The following POLD1 variants were observed in gnomAD, a reference collection of about 807,000 sequenced individuals.
POLD1 encodes the protein DNA polymerase delta catalytic subunit.
POLD1 carries 79 observed loss-of-function variants against 129.7 expected under a neutral mutation model. The ratio of observed to expected loss-of-function variants is 0.61; its 90% confidence interval spans 0.51 to 0.73. The LOEUF (loss-of-function observed/expected upper bound fraction) is 0.73, where lower values mean the gene tolerates loss of function less well. Ranked by LOEUF, POLD1 falls within the 30% of genes least tolerant of loss-of-function variation. POLD1 has a pLI of 0.00. For missense variants in POLD1, 1,338 were observed against 1,595.8 expected, an observed-to-expected ratio of 0.84 and a Z score of 2.75; for synonymous variants, 714 against 683.3, an observed-to-expected ratio of 1.04 and a Z score of -0.70.
At chr19:50,401,494 G>C (rs185992073) in intron 3 of POLD1, among the ~76,000 whole-genome samples, 70 of 147,862 alleles carry the variant, frequency 4.7e-4, no homozygotes, top group Middle Eastern at 7.4e-3. Context: ...TCCCGCCTTG[G>C]CCTCACAAAG....
rs3219396 is a variant in POLD1 at position 50,406,939 on chromosome 19, A to G, written c.1495-44A>G. 21,419 of 694,206 alleles carry G rather than the reference A, an allele frequency of 0.031. 295 individuals carry two copies. The highest frequency in any genetic ancestry group is 0.061 in the African/African-American group (2,283 of 37,506). The allele number at this position is 694,206 out of a possible 1,614,324, so 43.0% of individuals were successfully genotyped here. ...ACTTCCTTCTCCTGCTCCACCTCCCACCCCCAACCCCTGGTCCCTGACCCC... is the reference window on the plus strand; with the variant it reads ...ACTTCCTTCTCCTGCTCCACCTCCCGCCCCCAACCCCTGGTCCCTGACCCC... On this transcript the variant is annotated intron_variant, in intron 12 of 26. Coordinates refer to ENST00000440232, the MANE Select transcript of POLD1 (RefSeq NM_002691.4). This position sits in a 1 kb window ranked among gnomAD's most constrained non-coding sequence, Gnocchi z 5.5.
chr19:50,406,902 AC>A lies in POLD1; in HGVS notation c.1495-78del, dbSNP rs939650959. The A allele has an allele frequency of 3.4e-6, 4 of 1,178,990 alleles. No individual in the cohort carries two copies. The highest frequency in any genetic ancestry group is 4.7e-6 in the Non-Finnish European group (4 of 848,094). The allele number at this position is 1,178,990 out of a possible 1,614,324, so 73.0% of individuals were successfully genotyped here. On this transcript the variant is annotated intron_variant, in intron 12 of 26. Coordinates refer to ENST00000440232, the MANE Select transcript of POLD1 (RefSeq NM_002691.4). The surrounding 1 kb of genome is among the most constrained non-coding windows in gnomAD (Gnocchi z 5.5). ...TCCCAGGCCCTCCCCAGGCTACCTC[AC>A]CCTGACCCCCACTTCCTTCTCCTGC...
At position 50,406,423 on chromosome 19, in the gene POLD1, A is replaced by T; in HGVS notation, c.1400A>T (p.Tyr467Phe). 6.2e-7 allele frequency: 1 copy of T among 1,601,714 alleles called. No homozygotes were observed. Among genetic ancestry groups the T allele is most frequent in the Non-Finnish European group, 8.5e-7 (1 of 1,173,932 alleles). Residue 467 changes from tyrosine to phenylalanine, a missense_variant, in exon 12 of 27, where the codon TAC becomes TTC. Tyr to Phe is a conservative substitution (Grantham distance 22). Around this residue, in one of 3 missense-constraint regions of POLD1, gnomAD observed 720 missense variants for 1,002.6 expected, o/e 0.72. Transcript: ENST00000440232. This position sits in a 1 kb window ranked among gnomAD's most constrained non-coding sequence, Gnocchi z 5.5. Reference sequence around the variant, plus strand: ...CCCACCTAGGTGCTGCTGCGGGAGTACAAGCTCCGCTCCTACACGCTCAAT... The same window carrying T: ...CCCACCTAGGTGCTGCTGCGGGAGTTCAAGCTCCGCTCCTACACGCTCAAT... ...MDMLQVLLRE[Y>F]KLRSYTLNAV...
intron 17 of POLD1, 140 bp from the exon 18 acceptor site, chr19:50,413,286 G>A (rs185274260): frequency 3.0e-6 from 2 of 667,982 alleles, no homozygotes; most frequent in East Asian, 5.5e-5. Context: ...TTTGGGAACT[G>A]AGGCCCAGGA....
chr19:50,414,252 C>T (rs1166504924), intron 19 of POLD1, among the ~76,000 whole-genome samples: 7 of 152,242 alleles, frequency 4.6e-5, no homozygotes, highest in Admixed American at 4.6e-4. Flanking sequence ...GGAAACCTTG[C>T]ACCATATTTT....
Position 50,403,570 on chromosome 19 carries a change from C to T in POLD1, c.1215C>T (p.Tyr405=), listed in dbSNP as rs1555790585. The change falls in exon 10 of 27, where the codon TAC becomes TAT. Residue 405 remains tyrosine (Y), a synonymous_variant. Transcript: ENST00000440232. The part of the protein sequence containing the change: ...GYNIQNFDLP[Y]LISRAQTLKV... Reference sequence around the variant, plus strand: ...ACATCCAGAACTTCGACCTTCCGTACCTCATCTCTCGGGCCCAGACCCTCA... The same window carrying T: ...ACATCCAGAACTTCGACCTTCCGTATCTCATCTCTCGGGCCCAGACCCTCA... 1 of 1,613,358 alleles carries T rather than the reference C, an allele frequency of 6.2e-7. No individual in the cohort carries two copies. Among genetic ancestry groups the T allele is most frequent in the Non-Finnish European group, 8.5e-7 (1 of 1,179,264 alleles).
chr19:50,417,008 T>C (rs1438603797), intron 24 of POLD1, 37 bp from the exon 25 acceptor site: 1 of 1,540,794 alleles, frequency 6.5e-7, no homozygotes, highest in Non-Finnish European at 8.8e-7. Flanking sequence ...AGTTCCTGGC[T>C]GGGCCCCAGC....
In POLD1 at chr19:50,401,923, T is replaced by A. The variant is rs1019022551; in HGVS notation, c.462T>A (p.Pro154=). 1 of 1,613,968 alleles carries A rather than the reference T, an allele frequency of 6.2e-7. No homozygotes were observed. The highest frequency in any genetic ancestry group is 2.2e-5 in the East Asian group (1 of 44,834). The change falls in exon 4 of 27, where the codon CCT becomes CCA. Residue 154 remains proline (P), a splice_region_variant and synonymous_variant. Transcript: ENST00000440232. ...FAPYFYTPAP[P]GFGPEHMGDL... ...CCTACTTCTACACCCCAGCGCCCCC[T>A]GGTGAGTGGCCCCTACCCAGCCCCT...
intron 3 of POLD1, among the ~76,000 whole-genome samples, chr19:50,401,488 G>A (rs1201806997): frequency 2.1e-5 from 3 of 143,070 alleles, no homozygotes; most frequent in South Asian, 2.3e-4. Context: ...CGATCCTCCC[G>A]CCTTGGCCTC....
chr19:50,397,931 C>G (rs368098827), intron 1 of POLD1, among the ~76,000 whole-genome samples: 2 of 152,136 alleles, frequency 1.3e-5, no homozygotes, highest in East Asian at 1.9e-4. Context: ...TCGTACTGTG[C>G]TCGGTGAAAG....
chr19:50,416,891 C>A lies in POLD1; in HGVS notation c.3068-154C>A, dbSNP rs113871429. 2.4e-3 allele frequency: 2,475 copies of A among 1,024,340 alleles called. 32 individuals carry two copies. The African/African-American group carries it at 0.035, about 15-fold the overall frequency. 63.5% of individuals were successfully genotyped at this position (1,024,340 alleles called of 1,614,324 possible). A position where few individuals can be genotyped will look rare whatever the true frequency, so the allele number is the denominator to read the frequency against. ...CCACAGAGGGTCCTCGGCCCCCACC[C>A]CGGGAGTTCCCCAGGGGAGTTTTCC... is the stretch of plus-strand genomic sequence containing the variant. On this transcript the variant is annotated intron_variant, in intron 24 of 26. Coordinates refer to ENST00000440232, the MANE Select transcript of POLD1 (RefSeq NM_002691.4).
At chr19:50,417,502 C>T (rs988154442) in intron 26 of POLD1, among the ~76,000 whole-genome samples, 5 of 152,156 alleles carry the variant, frequency 3.3e-5, no homozygotes, top group Non-Finnish European at 5.9e-5. Flanking sequence ...CAGTGTTGCC[C>T]GGGAAACGGC....
In POLD1 at chr19:50,415,000, G is replaced by T. The variant is rs2039225004; in HGVS notation, c.2564+10G>T. 1 of 1,548,658 alleles carries T rather than the reference G, an allele frequency of 6.5e-7. No individual in the cohort carries two copies. The highest frequency in any genetic ancestry group is 1.2e-5 in the South Asian group (1 of 84,310). ...GCCTGCTCATCGACCGGTGTGTGGG[G>T]CCTCCTCCCTCAGACTCAGGGGGCT... On this transcript the variant is annotated intron_variant, in intron 20 of 26. Coordinates refer to ENST00000440232, the MANE Select transcript of POLD1 (RefSeq NM_002691.4).
chr19:50,397,144 A>G (rs1357358926), intron 1 of POLD1, among the ~76,000 whole-genome samples: 1 of 150,740 alleles, frequency 6.6e-6, no homozygotes, highest in Admixed American at 6.6e-5. Flanking sequence ...CACGCCTGAA[A>G]TCTCAGCACT....
At chr19:50,416,302 G>C in intron 22 of POLD1, 94 bp from the exon 23 acceptor site, 6 of 1,364,916 alleles carry the variant, frequency 4.4e-6, no homozygotes, top group Non-Finnish European at 6.0e-6. Context: ...CCGCAGGCAG[G>C]CCTAGGCCCT....
chr19:50,405,722 C>G (rs990981902), intron 10 of POLD1, among the ~76,000 whole-genome samples: 1 of 152,132 alleles, frequency 6.6e-6, no homozygotes, highest in Non-Finnish European at 1.5e-5. Flanking sequence ...CCAGCTCAGG[C>G]TTCTTCTGGC....
intron 22 of POLD1, 199 bp downstream of exon 22, chr19:50,416,025 A>G: frequency 5.2e-6 from 3 of 573,014 alleles, no homozygotes; most frequent in East Asian, 2.9e-5. Context: ...TTGCTTCCCT[A>G]TGGAAGGGGC....
intron 9 of POLD1, 68 bp downstream of exon 9, chr19:50,403,287 A>C: frequency 6.9e-7 from 1 of 1,445,642 alleles, no homozygotes; most frequent in Non-Finnish European, 9.3e-7. Flanking sequence ...CTGAGCCATC[A>C]GCTCCTGGGT....
intron 15 of POLD1, 70 bp downstream of exon 15, chr19:50,408,971 TG>T (rs763644621): frequency 4.7e-6 from 7 of 1,489,800 alleles, no homozygotes; most frequent in Non-Finnish European, 6.5e-6. Flanking sequence ...CTCAGTCTGG[TG>T]GGGGGCATAG....
Sources: allele counts gnomAD v4.1 joint callset (sites outside exome capture counted in the v4.1 genomes callset), GRCh38; gene constraint gnomAD v4.1.1; regional missense constraint gnomAD v4.1.1; non-coding constraint Gnocchi (gnomAD v3.1); transcripts MANE v1.5; gene names NCBI Gene and HGNC (gene_info 2026-07-23, HGNC 2026-07-21).